The following DDX17 variants were observed in gnomAD, a reference collection of about 807,000 sequenced individuals.
DDX17 encodes the protein probable ATP-dependent RNA helicase DDX17.
Under a neutral mutation model 80.8 loss-of-function variants are expected in DDX17, and 10 were observed. That is an observed-to-expected ratio of 0.12 (90% CI 0.08 to 0.21). The LOEUF (loss-of-function observed/expected upper bound fraction) is 0.21. Ranked by LOEUF, DDX17 falls within the 10% of genes least tolerant of loss-of-function variation. The probability of loss-of-function intolerance (pLI) is 1.00; values close to 1 mark genes in which losing one functional copy is unlikely to be tolerated. For missense variants in DDX17, 586 were observed against 957.4 expected, an observed-to-expected ratio of 0.61 and a Z score of 5.12; for synonymous variants, 339 against 336.2, an observed-to-expected ratio of 1.01 and a Z score of -0.09.
At position 38,489,943 on chromosome 22, in the gene DDX17, A is replaced by G. The variant is rs189866627; in HGVS notation, c.1448-1828T>C. The stretch of plus-strand genomic sequence containing the variant: ...TGACCATGGCAGTAGAACAAGTTCA[A>G]TTACTACACTGGATGCGTTAAGTGT... On this transcript the variant is annotated intron_variant, in intron 11 of 12. Coordinates refer to ENST00000403230, the MANE Select transcript of DDX17 (RefSeq NM_006386.5). This position sits in a 1 kb window ranked among gnomAD's most constrained non-coding sequence, Gnocchi z 4.6. 29 of 998,842 alleles carry G rather than the reference A, an allele frequency of 2.9e-5. No individual in the cohort carries two copies. Among genetic ancestry groups the G allele is most frequent in the Admixed American group, 1.1e-4 (2 of 17,888 alleles). The allele number at this position is 998,842 out of a possible 1,614,324, so 61.9% of individuals were successfully genotyped here.
Position 38,494,750 on chromosome 22 carries a change from T to C in DDX17, c.1094A>G (p.Gln365Arg), listed in dbSNP as rs544568922. 3 of 1,614,244 alleles carry C rather than the reference T, an allele frequency of 1.9e-6. No homozygotes were observed. Among genetic ancestry groups the C allele is most frequent in the African/African-American group, 1.3e-5 (1 of 75,064 alleles). ...ATCACGAAGGAAATCCTCTGCAAGC[T>C]GTCTTACTTCTTTTGGCCAGGTTGC... The change falls in exon 8 of 13, where the codon CAG becomes CGG. Residue 365 changes from glutamine (Q) to arginine (R), a missense_variant. Around this residue, in one of 4 missense-constraint regions of DDX17, gnomAD observed 141 missense variants for 379.3 expected, o/e 0.37. Transcript: ENST00000403230.
chr22:38,494,259 T>C, intron 8 of DDX17, 128 bp from the exon 9 acceptor site: 1 of 668,786 alleles, frequency 1.5e-6, no homozygotes, highest in South Asian at 1.9e-5. Context: ...TTTTAATAAC[T>C]ATTAGAGTAC....
rs760074764 is a variant in DDX17 at position 38,486,310 on chromosome 22, A to G, written c.1815T>C (p.Arg605=). Residue 605 remains arginine, a synonymous_variant, in exon 13 of 13, where the codon CGT becomes CGC. Transcript: ENST00000403230. Reference sequence around the variant, plus strand: ...CATAACCAGCTCTATCGGTTTCACTACGATCCCGATAGCTTGCAGAGTCTC... The same window carrying G: ...CATAACCAGCTCTATCGGTTTCACTGCGATCCCGATAGCTTGCAGAGTCTC... 19 of 1,614,054 alleles carry G rather than the reference A, an allele frequency of 1.2e-5. No individual in the cohort carries two copies. Among genetic ancestry groups the G allele is most frequent in the Middle Eastern group, 1.6e-4 (1 of 6,084 alleles).
chr22:38,503,244 GC>G (rs1364977384), intron 1 of DDX17, among the ~76,000 whole-genome samples: 1 of 152,140 alleles, frequency 6.6e-6, no homozygotes, highest in African/African-American at 2.4e-5. Context: ...AAATGAAGCA[GC>G]TAAATAAGGT....
In DDX17 at chr22:38,489,097, A is replaced by G. The variant is rs564572516; in HGVS notation, c.1448-982T>C. ...TACTTAAACAAACAATTTTAAGAAT[A>G]TAACAAAGAATCCTACTGTTTTGTG... On this transcript the variant is annotated intron_variant, in intron 11 of 12. Coordinates refer to ENST00000403230, the MANE Select transcript of DDX17 (RefSeq NM_006386.5). This position sits in a 1 kb window ranked among gnomAD's most constrained non-coding sequence, Gnocchi z 4.6. The G allele has an allele frequency of 3.0e-6, 3 of 983,926 alleles. No individual in the cohort carries two copies. The highest frequency in any genetic ancestry group is 1.7e-5 in the African/African-American group (1 of 57,214). The allele number at this position is 983,926 out of a possible 1,614,324, so 60.9% of individuals were successfully genotyped here. A position where few individuals can be genotyped will look rare whatever the true frequency, so the allele number is the denominator to read the frequency against.
chr22:38,485,811 A>G lies in DDX17; in HGVS notation c.*124T>C, dbSNP rs916393673. ...AAGACAAATCACGATGGTTGGGGGG[A>G]AAAATTAAAAAAAAAAAAAGAAAAA... is the stretch of plus-strand genomic sequence containing the variant. On this transcript the variant is annotated 3_prime_UTR_variant, in exon 13 of 13. Coordinates refer to ENST00000403230, the MANE Select transcript of DDX17 (RefSeq NM_006386.5). 5 of 1,253,488 alleles carry G rather than the reference A, an allele frequency of 4.0e-6. No homozygotes were observed. In the East Asian group the frequency reaches 8.4e-5, roughly 21 times the overall value. The allele number at this position is 1,253,488 out of a possible 1,614,324, so 77.6% of individuals were successfully genotyped here. A position where few individuals can be genotyped will look rare whatever the true frequency, so the allele number is the denominator to read the frequency against.
At chr22:38,498,303 T>C in intron 4 of DDX17, 137 bp downstream of exon 4, 2 of 1,402,270 alleles carry the variant, frequency 1.4e-6, no homozygotes, top group Non-Finnish European at 1.9e-6. Context: ...GAACATAAAA[T>C]GCTTCCATAT....
chr22:38,500,848 C>CAAAAAAAAAAAA (rs2089821798), intron 2 of DDX17, among the ~76,000 whole-genome samples: 1 of 43,606 alleles, frequency 2.3e-5, no homozygotes. Flanking sequence ...AAAAAAAAAT[C>CAAAAAAAAAAAA]AGCTGGGTGC....
At chr22:38,502,509 T>G (rs1381699103) in intron 1 of DDX17, among the ~76,000 whole-genome samples, 2 of 151,138 alleles carry the variant, frequency 1.3e-5, no homozygotes, top group Non-Finnish European at 3.0e-5. Context: ...CCAAATGGTA[T>G]TATTAATTTA....
chr22:38,494,317 C>G, intron 8 of DDX17, 186 bp from the exon 9 acceptor site: 2 of 590,802 alleles, frequency 3.4e-6, no homozygotes, highest in Non-Finnish European at 5.9e-6. Flanking sequence ...TCATACCATC[C>G]TCACAGCAAG....
At chr22:38,500,083 G>C (rs1392087025) in intron 2 of DDX17, among the ~76,000 whole-genome samples, 1 of 150,870 alleles carries the variant, frequency 6.6e-6, no homozygotes, top group Admixed American at 6.6e-5. Context: ...GGCTGAGGTG[G>C]GAGAATTGCT....
In DDX17 at chr22:38,483,718, T is replaced by C. The variant is rs1162772743; in HGVS notation, c.*2217A>G. On this transcript the variant is annotated 3_prime_UTR_variant, in exon 13 of 13. Transcript: ENST00000403230. ...GGAGGATTGGGGAGAAGCAGCCCAT[T>C]GCTTAATACATTGGAACCCTTTCCC... The C allele has an allele frequency of 6.6e-6, 1 of 152,398 alleles. No homozygotes were observed. The highest frequency in any genetic ancestry group is 1.5e-5 in the Non-Finnish European group (1 of 68,038). 9.4% of individuals were successfully genotyped at this position (152,398 alleles called of 1,614,324 possible).
rs1397628068 is a variant in DDX17, at chr22:38,488,894, A to G, written c.1448-779T>C. On this transcript the variant is annotated intron_variant, in intron 11 of 12. Transcript: ENST00000403230. ...AACTCAGGACTTGTTTCAATTATCA[A>G]TGATTGTCTACGTGACCTGGGAAAT... The G allele has an allele frequency of 5.1e-6, 5 of 985,266 alleles. No individual in the cohort carries two copies. In the African/African-American group the frequency reaches 5.2e-5, roughly 10 times the overall value. The allele number at this position is 985,266 out of a possible 1,614,324, so 61.0% of individuals were successfully genotyped here. A position where few individuals can be genotyped will look rare whatever the true frequency, so the allele number is the denominator to read the frequency against.
rs2145696212 is a variant in DDX17, at chr22:38,494,133, T to C, written c.1215-2A>G. ...ATTTCTTCCATTAGTTGGATCAACC[T>C]GAAAACATGACCAACAATGCAGTCA... On this transcript the variant is annotated splice_acceptor_variant, in intron 8 of 12. Coordinates refer to ENST00000403230, the MANE Select transcript of DDX17 (RefSeq NM_006386.5). LOFTEE classifies it high-confidence loss of function. 6.3e-7 allele frequency: 1 copy of C among 1,593,998 alleles called. No individual in the cohort carries two copies. The highest frequency in any genetic ancestry group is 1.1e-5 in the South Asian group (1 of 90,458).
chr22:38,504,034 T>C (rs572680554), intron 1 of DDX17, among the ~76,000 whole-genome samples: 5 of 152,340 alleles, frequency 3.3e-5, no homozygotes, highest in Middle Eastern at 3.4e-3. Context: ...AGCATATATA[T>C]GGTGAAAGGA....
At chr22:38,487,529 G>C (rs2089672345) in intron 12 of DDX17, among the ~76,000 whole-genome samples, 1 of 152,210 alleles carries the variant, frequency 6.6e-6, no homozygotes, top group Admixed American at 6.5e-5. Context: ...TGAGGCAGGA[G>C]AATCACTTGA....
intron 6 of DDX17, 24 bp downstream of exon 6, chr22:38,495,772 T>C (rs777475092): frequency 1.5e-5 from 22 of 1,469,790 alleles, no homozygotes; most frequent in Non-Finnish European, 1.9e-5. Context: ...AAACTAACAA[T>C]TCTTTTACAC....
chr22:38,496,108 A>G (rs538519196), intron 5 of DDX17, among the ~76,000 whole-genome samples, 171 bp from the exon 6 acceptor site: 1 of 152,312 alleles, frequency 6.6e-6, no homozygotes, highest in South Asian at 2.1e-4. Flanking sequence ...AATGGAATAT[A>G]GAAAAAAATT....
At chr22:38,487,072 G>C (rs1377239456) in intron 12 of DDX17, among the ~76,000 whole-genome samples, 1 of 152,186 alleles carries the variant, frequency 6.6e-6, no homozygotes, top group Non-Finnish European at 1.5e-5. Context: ...GGAGGCTGAA[G>C]CAGGAGAATC....
Sources: gnomAD v4.1 joint callset for allele counts (sites outside exome capture counted in the v4.1 genomes callset) on GRCh38, gnomAD v4.1.1 for gene constraint, gnomAD v4.1.1 regional missense constraint, Gnocchi (gnomAD v3.1) non-coding constraint, MANE v1.5 for transcripts, NCBI Gene and HGNC (gene_info 2026-07-23, HGNC 2026-07-21) for gene names.